Variants in PLCB4 observed in about 807,000 individuals in gnomAD.
The protein encoded by PLCB4 is 1-phosphatidylinositol 4,5-bisphosphate phosphodiesterase beta-4.
A neutral mutation model predicts 178.8 loss-of-function variants in PLCB4; 77 were observed. The observed-to-expected ratio is 0.43, with a 90% CI of 0.36 to 0.52. The LOEUF (loss-of-function observed/expected upper bound fraction) is 0.52. Among genes scored for constraint, PLCB4 ranks in the 20% least tolerant of loss-of-function variants. PLCB4 has a pLI of 0.00. For missense variants in PLCB4, 1,024 were observed against 1,453.4 expected, an observed-to-expected ratio of 0.70 and a Z score of 4.80; for synonymous variants, 496 against 490.8, an observed-to-expected ratio of 1.01 and a Z score of -0.14.
chr20:9,286,995 G>T (rs893446479), intron 3 of PLCB4, among the ~76,000 whole-genome samples: 1 of 151,860 alleles, frequency 6.6e-6, no homozygotes, highest in Non-Finnish European at 1.5e-5. Context: ...TGAGATAGTG[G>T]GTGCTCTGTG....
At chr20:9,311,727 C>T (rs2094836797) in intron 4 of PLCB4, among the ~76,000 whole-genome samples, 1 of 152,140 alleles carries the variant, frequency 6.6e-6, no homozygotes, top group South Asian at 2.1e-4. Context: ...CTCCTGAGAT[C>T]CTCCCTTTTG....
chr20:9,285,625 G>T (rs1205014591), intron 3 of PLCB4, among the ~76,000 whole-genome samples: 1 of 151,960 alleles, frequency 6.6e-6, no homozygotes, highest in African/African-American at 2.4e-5. Context: ...TTGCTACTCT[G>T]TGTGACCCAG....
At chr20:9,175,400 G>A (rs1162333572) in intron 2 of PLCB4, among the ~76,000 whole-genome samples, 4 of 152,036 alleles carry the variant, frequency 2.6e-5, no homozygotes, top group African/African-American at 7.2e-5. Context: ...TTTCAGTTCC[G>A]ATAAACAGTG....
chr20:9,478,587 G>A (rs2076393), intron 39 of PLCB4, among the ~76,000 whole-genome samples: 73,653 of 151,964 alleles, frequency 0.48, 20,542 homozygotes, highest in African/African-American at 0.77. Context: ...TTTGTGGTAT[G>A]GTCTAAAGAT....
In PLCB4 at chr20:9,293,487, G is replaced by A. The variant is rs572488395; in HGVS notation, c.-15-14313G>A. Among the ~76,000 whole-genome samples, 79 of 150,956 alleles carry A rather than the reference G, an allele frequency of 5.2e-4. No individual in the cohort carries two copies. The South Asian group carries it at 0.016, about 30-fold the overall frequency. On this transcript the variant is annotated intron_variant, in intron 3 of 39. Transcript: ENST00000378473. The stretch of plus-strand genomic sequence containing the variant: ...TCTGTCAGAAAGAGAGAAAGAGGAC[G>A]AGAGGAAGGAAGGAAGGAAGGAAGG...
chr20:9,435,788 T>C (rs2041729385), intron 29 of PLCB4, 140 bp downstream of exon 29: 1 of 542,242 alleles, frequency 1.8e-6, no homozygotes, highest in Admixed American at 3.6e-5. Flanking sequence ...TCAACAATAG[T>C]TAACTTTCTA....
chr20:9,143,253 A>G (rs2092531323), intron 2 of PLCB4, among the ~76,000 whole-genome samples: 1 of 152,132 alleles, frequency 6.6e-6, no homozygotes, highest in Non-Finnish European at 1.5e-5. Flanking sequence ...TTGAAGTTCC[A>G]TGACAGCAGA....
At chr20:9,427,809 T>C (rs2041129382) in intron 28 of PLCB4, among the ~76,000 whole-genome samples, 1 of 152,130 alleles carries the variant, frequency 6.6e-6, no homozygotes, top group South Asian at 2.1e-4. Flanking sequence ...AATAAGAGAG[T>C]TGATGCTTTG....
chr20:9,154,931 C>G (rs1205009617), intron 2 of PLCB4, among the ~76,000 whole-genome samples: 4 of 135,028 alleles, frequency 3.0e-5, no homozygotes, highest in African/African-American at 1.1e-4. Context: ...TTCCTTCCTT[C>G]CTTCCTTCCT....
intron 3 of PLCB4, among the ~76,000 whole-genome samples, chr20:9,284,347 A>G (rs75174261): frequency 2.6e-5 from 4 of 152,096 alleles, no homozygotes; most frequent in Non-Finnish European, 4.4e-5. Context: ...AGTGGCCTCT[A>G]TGAGGTACAG....
chr20:9,158,356 T>TCCGGGTTCAAGTGATCCTCCTC (rs1199316760), intron 2 of PLCB4, among the ~76,000 whole-genome samples: 2 of 151,848 alleles, frequency 1.3e-5, no homozygotes, highest in Non-Finnish European at 2.9e-5. Context: ...GCCTCCACCT[T>TCCGGGTTCAAGTGATCCTCCTC]CCGGGTTCAA....
intron 2 of PLCB4, among the ~76,000 whole-genome samples, chr20:9,191,383 C>T (rs1028365383): frequency 4.6e-5 from 6 of 131,720 alleles, no homozygotes; most frequent in African/African-American, 1.5e-4. Flanking sequence ...TGCTTTCCAC[C>T]GTGTAGGGAC....
Position 9,338,988 on chromosome 20 carries a change from T to C in PLCB4, c.320T>C (p.Val107Ala). The C allele has an allele frequency of 6.2e-7, 1 of 1,613,444 alleles. No homozygotes were observed. The highest frequency in any genetic ancestry group is 8.5e-7 in the Non-Finnish European group (1 of 1,179,528). The stretch of plus-strand genomic sequence containing the variant: ...TGTGTCTGCAGTGGCACAGATCTAG[T>C]GAACATTAGTTTTACCTACATGGTG... ...IVCVCSGTDL[V>A]NISFTYMVAE... is the part of the protein sequence containing the mutation. The change falls in exon 7 of 40, where the codon GTG (valine) becomes GCG (alanine). Residue 107 changes from valine to alanine, a missense_variant. Physicochemically the swap from Val to Ala is moderately conservative, Grantham distance 64. Around this residue, in one of 7 missense-constraint regions of PLCB4, gnomAD observed 225 missense variants for 291.0 expected, o/e 0.77. Coordinates refer to ENST00000378473, the MANE Select transcript of PLCB4 (RefSeq NM_001377142.1).
chr20:9,100,849 T>C (rs576381846), intron 2 of PLCB4, among the ~76,000 whole-genome samples: 1 of 152,252 alleles, frequency 6.6e-6, no homozygotes, highest in South Asian at 2.1e-4. Context: ...TGATTCCCAC[T>C]TTCGTGCACA....
chr20:9,271,955 T>C (rs772060270), intron 3 of PLCB4, among the ~76,000 whole-genome samples: 3 of 151,620 alleles, frequency 2.0e-5, no homozygotes, highest in East Asian at 2.0e-4. Context: ...GGAGGGAGGA[T>C]TGTTGAGCCC....
chr20:9,125,496 G>A (rs1434631830), intron 2 of PLCB4, among the ~76,000 whole-genome samples: 3 of 151,946 alleles, frequency 2.0e-5, no homozygotes, highest in Admixed American at 2.0e-4. Flanking sequence ...TTTTTCCAAT[G>A]TATAACTTGG....
chr20:9,211,092 A>T (rs1445300470), intron 2 of PLCB4, among the ~76,000 whole-genome samples: 2 of 152,080 alleles, frequency 1.3e-5, no homozygotes, highest in Non-Finnish European at 2.9e-5. Context: ...TTCTTTTTTT[A>T]ACCTGCGATT....
intron 13 of PLCB4, 103 bp from the exon 14 acceptor site, chr20:9,384,098 G>T (rs541402115): frequency 3.6e-6 from 3 of 842,978 alleles, no homozygotes; most frequent in Non-Finnish European, 6.0e-6. Context: ...CTGTGAAGAC[G>T]TTTTTACTCT....
At chr20:9,159,689 C>G (rs751560455) in intron 2 of PLCB4, among the ~76,000 whole-genome samples, 8 of 152,126 alleles carry the variant, frequency 5.3e-5, no homozygotes, top group Non-Finnish European at 8.8e-5. Context: ...GCAGTAGCTC[C>G]TCTATACACA....
Sources: gnomAD v4.1 joint callset for allele counts (sites outside exome capture counted in the v4.1 genomes callset) on GRCh38, gnomAD v4.1.1 for gene constraint, gnomAD v4.1.1 regional missense constraint, MANE v1.5 for transcripts, NCBI Gene and HGNC (gene_info 2026-07-23, HGNC 2026-07-21) for gene names.